The following UBR3 variants were observed in gnomAD, a reference collection of about 807,000 sequenced individuals.
The protein encoded by UBR3 is E3 ubiquitin-protein ligase UBR3.
In UBR3, 85 loss-of-function variants were observed where a neutral mutation model predicts 243.2. That is an observed-to-expected ratio of 0.35 (90% confidence interval 0.29 to 0.42). UBR3 has a LOEUF of 0.42. Ranked by LOEUF, UBR3 falls within the 10% of genes least tolerant of loss-of-function variation. The pLI, the probability that UBR3 is intolerant of heterozygous loss-of-function variation, is 1.00. For missense variants in UBR3, 1,686 were observed against 2,300.8 expected (o/e 0.73, Z 5.47); for synonymous variants, 748 against 799.8 (o/e 0.94, Z 1.09).
In UBR3 at chr2:169,898,939, G is replaced by A. The variant is rs547844016; in HGVS notation, c.1465+2204G>A. On this transcript the variant is annotated intron_variant, in intron 8 of 38. Coordinates refer to ENST00000272793, the MANE Select transcript of UBR3 (RefSeq NM_172070.4). Reference sequence around the variant, plus strand: ...GATGGTCTCGATATCCTAACCTTGTGATCCGCCTGCCTCGGCCTCCCAAAG... The same window carrying A: ...GATGGTCTCGATATCCTAACCTTGTAATCCGCCTGCCTCGGCCTCCCAAAG... 7.9e-5 allele frequency among the ~76,000 whole-genome samples: 12 copies of A among 151,974 alleles called. No homozygotes were observed. In the South Asian group the frequency reaches 2.5e-3, roughly 32 times the overall value.
rs1332954849 is a variant in UBR3 at position 170,006,852 on chromosome 2, TTTTG to T, written c.4030-134_4030-131del. 5.6e-6 allele frequency: 4 copies of T among 718,754 alleles called. No homozygotes were observed. In the South Asian group the frequency reaches 5.9e-5, roughly 11 times the overall value. The allele number at this position is 718,754 out of a possible 1,614,324, so 44.5% of individuals were successfully genotyped here. A position where few individuals can be genotyped will look rare whatever the true frequency, so the allele number is the denominator to read the frequency against. On this transcript the variant is annotated intron_variant, in intron 27 of 38. Transcript: ENST00000272793. ...TGAACTTTAACAGTTAAATGAAGGA[TTTTG>T]TTTATTTCTTTATGACATATATTAG...
Position 170,061,462 on chromosome 2 carries a change from G to GT in UBR3, c.5019+20dup. The GT allele has an allele frequency of 1.3e-6, 2 of 1,543,382 alleles. No homozygotes were observed. Among genetic ancestry groups the GT allele is most frequent in the Non-Finnish European group, 1.7e-6 (2 of 1,152,550 alleles). On this transcript the variant is annotated intron_variant, in intron 35 of 38. Transcript: ENST00000272793. ...CTGCCAGGTAGATAATTTGGGATAT[G>GT]TAAGAGGGAGCTTTTTTTTTTTTCA...
chr2:169,968,782 G>T (rs144920807), intron 24 of UBR3, among the ~76,000 whole-genome samples: 1 of 152,082 alleles, frequency 6.6e-6, no homozygotes. Flanking sequence ...TTTCATAGTT[G>T]CTATACTAAT....
intron 1 of UBR3, among the ~76,000 whole-genome samples, chr2:169,839,282 T>C (rs1052516631): frequency 1.4e-4 from 21 of 152,222 alleles, no homozygotes; most frequent in African/African-American, 5.1e-4. Context: ...AAGACAAATA[T>C]CACATGTTCT....
At chr2:169,939,940 A>G (rs2105355233) in intron 19 of UBR3, among the ~76,000 whole-genome samples, 1 of 152,078 alleles carries the variant, frequency 6.6e-6, no homozygotes, top group East Asian at 1.9e-4. Flanking sequence ...CTGTTGTTTC[A>G]GTGCATTTGG....
Position 169,947,642 on chromosome 2 carries a change from T to C in UBR3, c.3011T>C (p.Val1004Ala). 1 of 1,541,836 alleles carries C rather than the reference T, an allele frequency of 6.5e-7. No homozygotes were observed. The highest frequency in any genetic ancestry group is 1.2e-5 in the South Asian group (1 of 82,094). The change falls in exon 22 of 39, where the codon GTT becomes GCT. Residue 1004 changes from valine (V) to alanine (A), a missense_variant. Around this residue, in one of 8 missense-constraint regions of UBR3, gnomAD observed 300 missense variants for 314.4 expected, o/e 0.95. Transcript: ENST00000272793. ...TTTATAAACTATGTTAGAGTAAGAG[T>C]TCCAGAGACTGCTCCTGAAGTAAAG... ...RHFINYVRVR[V>A]PETAPEVKRD... is the part of the protein sequence containing the mutation.
chr2:169,851,432 G>A (rs945560469), intron 1 of UBR3, among the ~76,000 whole-genome samples: 2 of 152,174 alleles, frequency 1.3e-5, no homozygotes, highest in Non-Finnish European at 2.9e-5. Flanking sequence ...GATTATAGGC[G>A]TGAGCCATCT....
chr2:169,979,159 C>T (rs538087039), intron 24 of UBR3, among the ~76,000 whole-genome samples: 1 of 152,310 alleles, frequency 6.6e-6, no homozygotes, highest in Admixed American at 6.5e-5. Context: ...TCAAAAGATG[C>T]TCAGCATCAT....
At chr2:169,932,348 G>T (rs537103951) in intron 18 of UBR3, among the ~76,000 whole-genome samples, 1 of 152,100 alleles carries the variant, frequency 6.6e-6, no homozygotes, top group South Asian at 2.1e-4. Flanking sequence ...AAAGTGCTGG[G>T]ATTACAGGCA....
At chr2:170,052,809 T>A (rs2091249517) in intron 32 of UBR3, among the ~76,000 whole-genome samples, 1 of 152,154 alleles carries the variant, frequency 6.6e-6, no homozygotes, top group South Asian at 2.1e-4. Context: ...ATACTTAAAA[T>A]GCACTAAGCA....
chr2:169,942,205 A>G (rs900721629), intron 19 of UBR3, among the ~76,000 whole-genome samples: 1 of 152,132 alleles, frequency 6.6e-6, no homozygotes, highest in Non-Finnish European at 1.5e-5. Context: ...TTCCTTGCTG[A>G]GTACTTCATG....
intron 2 of UBR3, among the ~76,000 whole-genome samples, chr2:169,874,844 G>A (rs897043768): frequency 1.3e-5 from 2 of 151,996 alleles, no homozygotes; most frequent in African/African-American, 4.8e-5. Context: ...CTCTTTTATA[G>A]GTGTGGTTTT....
At chr2:169,924,648 A>G (rs1203670343) in intron 13 of UBR3, among the ~76,000 whole-genome samples, 3 of 152,262 alleles carry the variant, frequency 2.0e-5, no homozygotes, top group African/African-American at 7.2e-5. Flanking sequence ...CATTAGAGGG[A>G]CTTGCACTTC....
chr2:170,075,135 C>A (rs2091778694), intron 36 of UBR3, among the ~76,000 whole-genome samples: 1 of 151,964 alleles, frequency 6.6e-6, no homozygotes, highest in African/African-American at 2.4e-5. Flanking sequence ...AATGTCTCTG[C>A]TTTTGTTCTT....
At chr2:169,992,859 C>G (rs1438262817) in intron 25 of UBR3, among the ~76,000 whole-genome samples, 1 of 152,216 alleles carries the variant, frequency 6.6e-6, no homozygotes, top group Admixed American at 6.5e-5. Context: ...CTCCCAGGCT[C>G]AAGCAATTCT....
At chr2:169,846,325 T>A (rs1295407195) in intron 1 of UBR3, among the ~76,000 whole-genome samples, 1 of 152,222 alleles carries the variant, frequency 6.6e-6, no homozygotes, top group African/African-American at 2.4e-5. Context: ...CCTGGCAATA[T>A]TCCTTATTCT....
chr2:169,877,672 T>C, intron 4 of UBR3, 35 bp downstream of exon 4: 1 of 1,514,848 alleles, frequency 6.6e-7, no homozygotes, highest in South Asian at 1.3e-5. Flanking sequence ...CAGTTGTAAC[T>C]TTTCTGTATT....
Position 169,844,739 on chromosome 2 carries a change from T to C in UBR3, c.545+16687T>C, listed in dbSNP as rs72881279. ...CTCTAATTCCTGACCTCAGGTGATC[T>C]GCTACGTCGGCCTCTCAAAGTGCTG... On this transcript the variant is annotated intron_variant, in intron 1 of 38. Transcript: ENST00000272793. Among the ~76,000 whole-genome samples the C allele has an allele frequency of 7.6e-3, 1,162 of 152,198 alleles. 11 individuals are homozygous for C. The highest frequency in any genetic ancestry group is 0.013 in the Non-Finnish European group (854 of 67,994).
chr2:169,935,639 G>T (rs1478289379), intron 19 of UBR3, among the ~76,000 whole-genome samples: 1 of 152,094 alleles, frequency 6.6e-6, no homozygotes, highest in Non-Finnish European at 1.5e-5. Flanking sequence ...AAGGTTAATG[G>T]CTGCTGCCCC....
Sources: allele counts gnomAD v4.1 joint callset (sites outside exome capture counted in the v4.1 genomes callset), GRCh38; gene constraint gnomAD v4.1.1; regional missense constraint gnomAD v4.1.1; transcripts MANE v1.5; gene names NCBI Gene and HGNC (gene_info 2026-07-23, HGNC 2026-07-21).